AGRN: variants seen among roughly 807,000 people sequenced by gnomAD.
The protein encoded by AGRN is agrin, also known as agrin proteoglycan.
AGRN carries 106 observed loss-of-function variants against 211.0 expected under a neutral mutation model. The ratio of observed to expected loss-of-function variants is 0.50; its 90% confidence interval spans 0.43 to 0.59. The LOEUF is 0.59. Among genes scored for constraint, AGRN ranks in the 20% least tolerant of loss-of-function variants. The probability of loss-of-function intolerance (pLI) is 0.00; values close to 1 mark genes in which losing one functional copy is unlikely to be tolerated. For missense variants in AGRN, 3,040 were observed against 2,982.6 expected (o/e 1.02, Z -0.45); for synonymous variants, 1,525 against 1,332.5 (o/e 1.14, Z -3.15).
At chr1:1,044,623 G>C (rs908125331) in intron 12 of AGRN, among the ~76,000 whole-genome samples, 184 bp downstream of exon 12, 1 of 152,192 alleles carries the variant, frequency 6.6e-6, no homozygotes, top group South Asian at 2.1e-4. Context: ...GGGCGTGTGT[G>C]TCCATCAGTC....
At chr1:1,028,349 G>C (rs1250459750) in intron 2 of AGRN, among the ~76,000 whole-genome samples, 3 of 123,866 alleles carry the variant, frequency 2.4e-5, no homozygotes, top group African/African-American at 1.0e-4. Context: ...CCTGCACCTG[G>C]CTGGCGGCAC....
intron 27 of AGRN, 80 bp downstream of exon 27, chr1:1,050,117 C>T: frequency 5.1e-6 from 8 of 1,579,674 alleles, no homozygotes; most frequent in South Asian, 1.1e-5. Context: ...GGTAGCATTG[C>T]AGTTAGGATG....
In AGRN at chr1:1,048,833, T is replaced by A; in HGVS notation, c.4106-34T>A. 6.6e-7 allele frequency: 1 copy of A among 1,514,096 alleles called. No homozygotes were observed. Among genetic ancestry groups the A allele is most frequent in the Non-Finnish European group, 8.8e-7 (1 of 1,133,160 alleles). 93.8% of individuals were successfully genotyped at this position (1,514,096 alleles called of 1,614,324 possible). On this transcript the variant is annotated intron_variant, in intron 23 of 35. Transcript: ENST00000379370. The surrounding 1 kb of genome is among the most constrained non-coding windows in gnomAD (Gnocchi z 5.9). Reference sequence around the variant, plus strand: ...GATAAAAGTGGGGAATCCTCGGAGCTTTTCCAGCCGGCCCTCCCGGTCGCC... The same window carrying A: ...GATAAAAGTGGGGAATCCTCGGAGCATTTCCAGCCGGCCCTCCCGGTCGCC...
chr1:1,039,774 G>A (rs1469410560), intron 3 of AGRN, among the ~76,000 whole-genome samples: 2 of 152,100 alleles, frequency 1.3e-5, no homozygotes, highest in Non-Finnish European at 2.9e-5. Context: ...GAGAGTGAGG[G>A]CGATGGAGGA....
Position 1,053,329 on chromosome 1 carries a change from C to T in AGRN, c.5652-424C>T, listed in dbSNP as rs543879372. 1.6e-4 allele frequency: 127 copies of T among 786,490 alleles called. 2 individuals are homozygous for T. In the South Asian group the frequency reaches 1.8e-3, roughly 11 times the overall value. The allele number at this position is 786,490 out of a possible 1,614,324, so 48.7% of individuals were successfully genotyped here. On this transcript the variant is annotated intron_variant, in intron 33 of 35. Transcript: ENST00000379370. Reference sequence around the variant, plus strand: ...TGTCCCTGCTGGGCTCTTTGGTGGGCGGCCAGTGATCCTCGAGGTCACGCA... The same window carrying T: ...TGTCCCTGCTGGGCTCTTTGGTGGGTGGCCAGTGATCCTCGAGGTCACGCA...
At position 1,051,257 on chromosome 1, in the gene AGRN, C is replaced by T. The variant is rs748126752; in HGVS notation, c.5258C>T (p.Pro1753Leu). ...GPRVLGESPVPHTVLNLKEPL... is the reference protein window; with the variant it reads ...GPRVLGESPVLHTVLNLKEPL... ...ACTTACCTGGCGTCCCCGCAGGTTC[C>T]GCACACCGTCCTCAACCTGAAGGAG... The change falls in exon 31 of 36, where the codon CCG (proline) becomes CTG (leucine). Residue 1753 changes from proline (P) to leucine (L), a missense_variant. Transcript: ENST00000379370. 3.3e-5 allele frequency: 52 copies of T among 1,581,646 alleles called. 1 individual carries two copies. The highest frequency in any genetic ancestry group is 4.1e-5 in the Non-Finnish European group (48 of 1,165,232).
chr1:1,050,029 G>C lies in AGRN; in HGVS notation c.4871G>C (p.Cys1624Ser), dbSNP rs758206649. The C allele has an allele frequency of 5.4e-5, 83 of 1,547,896 alleles. No individual in the cohort carries two copies. Among genetic ancestry groups the C allele is most frequent in the African/African-American group, 9.6e-5 (7 of 72,678 alleles). The change falls in exon 27 of 36, where the codon TGC becomes TCC. Residue 1624 changes from cysteine (C) to serine (S), a missense_variant. By Grantham distance (112) the Cys-to-Ser change is moderately radical. Coordinates refer to ENST00000379370, the MANE Select transcript of AGRN (RefSeq NM_198576.4). ...ECPLGREGTF[C>S]QTASGQDGSG... ...CCCCTGGGGCGTGAGGGCACCTTCT[G>C]CCAGACAGGTCGGGGGCGTGGGGCT...
At chr1:1,036,025 C>T (rs1270512734) in intron 3 of AGRN, among the ~76,000 whole-genome samples, 2 of 152,128 alleles carry the variant, frequency 1.3e-5, no homozygotes, top group East Asian at 1.9e-4. Flanking sequence ...GTGGCTCCCT[C>T]GCCAGGCCTG....
rs1329485459 is a variant in AGRN at position 1,020,179 on chromosome 1, G to C, written c.7G>C (p.Gly3Arg). ...GCCGCCTCTCGCCTGCGCCATGGCCGGCCGGTCCCACCCGGGCCCGCTGCG... is the reference window on the plus strand; with the variant it reads ...GCCGCCTCTCGCCTGCGCCATGGCCCGCCGGTCCCACCCGGGCCCGCTGCG... Reference protein sequence around the residue: MAGRSHPGPLRPL... With the variant: MARRSHPGPLRPL... The change falls in exon 1 of 36, where the codon GGC (glycine) becomes CGC (arginine). Residue 3 changes from glycine (G) to arginine (R), a missense_variant. Transcript: ENST00000379370. 3 of 1,334,602 alleles carry C rather than the reference G, an allele frequency of 2.2e-6. No individual in the cohort carries two copies. Among genetic ancestry groups the C allele is most frequent in the Non-Finnish European group, 2.9e-6 (3 of 1,044,142 alleles). The allele number at this position is 1,334,602 out of a possible 1,614,324, so 82.7% of individuals were successfully genotyped here.
At chr1:1,033,209 C>CT (rs1644711858) in intron 2 of AGRN, among the ~76,000 whole-genome samples, 1 of 152,074 alleles carries the variant, frequency 6.6e-6, no homozygotes, top group Non-Finnish European at 1.5e-5. Flanking sequence ...GCGCCGGCGA[C>CT]TGGAGGAGCC....
chr1:1,038,859 G>T (rs917194464), intron 3 of AGRN, among the ~76,000 whole-genome samples: 2 of 152,228 alleles, frequency 1.3e-5, no homozygotes, highest in Non-Finnish European at 2.9e-5. Flanking sequence ...TGAGGGGAGA[G>T]AGAAGGGGAA....
intron 12 of AGRN, 54 bp downstream of exon 12, chr1:1,044,493 C>G: frequency 1.3e-6 from 2 of 1,538,318 alleles, no homozygotes; most frequent in Non-Finnish European, 1.8e-6. Context: ...GTCTGGGTTT[C>G]CGTGTCTGGA....
At position 1,041,117 on chromosome 1, in the gene AGRN, CGGGGCGGG is replaced by C. The variant is rs1644921598; in HGVS notation, c.728-55_728-48del. 4.9e-6 allele frequency: 3 copies of C among 613,906 alleles called. 1 individual carries two copies. The highest frequency in any genetic ancestry group is 1.4e-4 in the Admixed American group (1 of 7,064). The allele number at this position is 613,906 out of a possible 1,614,324, so 38.0% of individuals were successfully genotyped here. A position where few individuals can be genotyped will look rare whatever the true frequency, so the allele number is the denominator to read the frequency against. ...CCTGGGGGGCGGAGCGGGGCGGGAG[CGGGGCGGG>C]AGCGGGGGCGGGGGCGGCCCGTCTG... On this transcript the variant is annotated intron_variant, in intron 4 of 35. Transcript: ENST00000379370.
At position 1,045,827 on chromosome 1, in the gene AGRN, T is replaced by C. The variant is rs545849353; in HGVS notation, c.2631T>C (p.Cys877=). The change falls in exon 15 of 36, where the codon TGT becomes TGC. Residue 877 remains cysteine (C), a synonymous_variant. Transcript: ENST00000379370. The stretch of plus-strand genomic sequence containing the variant: ...AGCCCGGGGTGGCTGGACCCAAGTG[T>C]GGGCAGTGTCCAGACGGCCGTGCCC... ...SCKPGVAGPK[C]GQCPDGRALG... 9.2e-5 allele frequency: 149 copies of C among 1,612,470 alleles called. No homozygotes were observed. Among genetic ancestry groups the C allele is most frequent in the Non-Finnish European group, 1.2e-4 (143 of 1,179,892 alleles).
chr1:1,020,440 G>A (rs1312441847), intron 1 of AGRN, 67 bp downstream of exon 1: 2 of 1,442,962 alleles, frequency 1.4e-6, no homozygotes, highest in African/African-American at 1.5e-5. Flanking sequence ...CCCGCCCCAG[G>A]CCGTGGGAAC....
In AGRN at chr1:1,051,326, G is replaced by C; in HGVS notation, c.5327G>C (p.Arg1776Pro). 1 of 1,568,666 alleles carries C rather than the reference G, an allele frequency of 6.4e-7. No individual in the cohort carries two copies. Among genetic ancestry groups the C allele is most frequent in the Non-Finnish European group, 8.6e-7 (1 of 1,157,570 alleles). The part of the protein sequence containing the change: ...GGAPDFSKLA[R>P]AAAVSSGFDG... ...GCTCCCGACTTCAGCAAGCTGGCCCGTGCTGCTGCCGTGTCCTCTGGCTTC... is the reference window on the plus strand; with the variant it reads ...GCTCCCGACTTCAGCAAGCTGGCCCCTGCTGCTGCCGTGTCCTCTGGCTTC... The change falls in exon 31 of 36, where the codon CGT (arginine) becomes CCT (proline). Residue 1776 changes from arginine to proline, a missense_variant. Arg to Pro is a moderately radical substitution (Grantham distance 103). Coordinates refer to ENST00000379370, the MANE Select transcript of AGRN (RefSeq NM_198576.4).
Position 1,048,281 on chromosome 1 carries a change from G to T in AGRN, c.4021G>T (p.Gly1341Trp), listed in dbSNP as rs372543866. The T allele has an allele frequency of 6.6e-7, 1 of 1,523,666 alleles. No individual in the cohort carries two copies. The highest frequency in any genetic ancestry group is 1.3e-5 in the South Asian group (1 of 78,550). 94.4% of individuals were successfully genotyped at this position (1,523,666 alleles called of 1,614,324 possible). The change falls in exon 23 of 36, where the codon GGG (glycine) becomes TGG (tryptophan). Residue 1341 changes from glycine (G) to tryptophan (W), a missense_variant. Around this residue, in one of 3 missense-constraint regions of AGRN, gnomAD observed 1,537 missense variants for 1,505.0 expected, o/e 1.02. Transcript: ENST00000379370. This position sits in a 1 kb window ranked among gnomAD's most constrained non-coding sequence, Gnocchi z 5.9. The part of the protein sequence containing the change: ...KPCDSQPCFH[G>W]GTCQDWALGG... ...CTGTGACTCACAGCCCTGCTTCCAC[G>T]GGGGGACCTGCCAGGACTGGGCATT...
rs1054607921 is a variant in AGRN, at chr1:1,050,758, C to T, written c.5174C>T (p.Thr1725Ile). Residue 1725 changes from threonine to isoleucine, a missense_variant, in exon 30 of 36, where the codon ACC becomes ATC. This residue lies in a region of AGRN where 1,537 missense variants were observed against 1,505.0 expected (regional missense o/e 1.02). Coordinates refer to ENST00000379370, the MANE Select transcript of AGRN (RefSeq NM_198576.4). Reference protein sequence around the residue: ...SREPVTLGAWTRVSLERNGRK... With the variant: ...SREPVTLGAWIRVSLERNGRK... ...GAGCCAGTCACCCTGGGAGCCTGGA[C>T]CAGGGTCTCACTGGAGCGAAACGGC... 2 of 1,603,730 alleles carry T rather than the reference C, an allele frequency of 1.2e-6. No homozygotes were observed. Among genetic ancestry groups the T allele is most frequent in the African/African-American group, 2.7e-5 (2 of 74,782 alleles).
In AGRN at chr1:1,047,663, A is replaced by T. The variant is rs778562449; in HGVS notation, c.3607A>T (p.Ile1203Phe). ...GGGGCCCGGCAAATCCGTCCGCGCCATTGTGGATGTGCACTTTGACCCCAG... is the reference window on the plus strand; with the variant it reads ...GGGGCCCGGCAAATCCGTCCGCGCCTTTGTGGATGTGCACTTTGACCCCAG... ...DLGPGKSVRA[I>F]VDVHFDPTTA... Residue 1203 changes from isoleucine (I) to phenylalanine (F), a missense_variant, in exon 21 of 36, where the codon ATT (isoleucine) becomes TTT (phenylalanine). Transcript: ENST00000379370. 6.2e-7 allele frequency: 1 copy of T among 1,613,024 alleles called. No homozygotes were observed. Among genetic ancestry groups the T allele is most frequent in the Admixed American group, 1.7e-5 (1 of 60,028 alleles).
Sources: gnomAD v4.1 joint callset for allele counts (sites outside exome capture counted in the v4.1 genomes callset) on GRCh38, gnomAD v4.1.1 for gene constraint, gnomAD v4.1.1 regional missense constraint, Gnocchi (gnomAD v3.1) non-coding constraint, MANE v1.5 for transcripts, NCBI Gene and HGNC (gene_info 2026-07-23, HGNC 2026-07-21) for gene names.